The following CDH13 variants were observed in gnomAD, a reference collection of about 807,000 sequenced individuals.
The protein encoded by CDH13 is cadherin 13.
CDH13 carries 24 observed loss-of-function variants against 63.8 expected under a neutral mutation model. That is an observed-to-expected ratio of 0.38 (90% CI 0.27 to 0.53). The LOEUF (loss-of-function observed/expected upper bound fraction) is 0.53, where lower values mean the gene tolerates loss of function less well. CDH13 is among the 20% of genes least tolerant of loss of function. The pLI is 0.85. For synonymous variants in CDH13, 503 were observed against 355.3 expected (o/e 1.42, Z -4.67); for missense variants, 1,049 against 903.1 (o/e 1.16, Z -2.07).
intron 1 of CDH13, among the ~76,000 whole-genome samples, chr16:82,675,831 C>G (rs987503704): frequency 6.6e-6 from 1 of 152,182 alleles, no homozygotes; most frequent in African/African-American, 2.4e-5. Flanking sequence ...AGGGAGGGCA[C>G]TTGAGTTCAG....
intron 8 of CDH13, among the ~76,000 whole-genome samples, chr16:83,661,920 T>G (rs1402313701): frequency 6.6e-6 from 1 of 152,174 alleles, no homozygotes; most frequent in Non-Finnish European, 1.5e-5. Context: ...CCCCAGCACC[T>G]GTAGAGCCAG....
chr16:83,036,250 A>AGTG (rs1201459613), intron 3 of CDH13, among the ~76,000 whole-genome samples: 3 of 150,438 alleles, frequency 2.0e-5, no homozygotes, highest in Non-Finnish European at 4.4e-5. Flanking sequence ...CCTGGGTTCA[A>AGTG]GTGATTCTCC....
At chr16:82,925,729 C>A (rs2042283925) in intron 2 of CDH13, among the ~76,000 whole-genome samples, 1 of 152,168 alleles carries the variant, frequency 6.6e-6, no homozygotes, top group Admixed American at 6.5e-5. Flanking sequence ...GAATTTAAAA[C>A]CTCTACCTAA....
At chr16:83,193,252 C>G (rs990403448) in intron 4 of CDH13, among the ~76,000 whole-genome samples, 1 of 151,504 alleles carries the variant, frequency 6.6e-6, no homozygotes, top group African/African-American at 2.4e-5. Flanking sequence ...TGATATCATG[C>G]AAATCTTGGA....
chr16:83,626,256 C>T (rs972976420), intron 8 of CDH13, among the ~76,000 whole-genome samples: 3 of 152,106 alleles, frequency 2.0e-5, no homozygotes, highest in Admixed American at 6.5e-5. Context: ...GTTTCATGAC[C>T]GGAGTCAATG....
At chr16:83,280,759 T>G (rs1393423929) in intron 5 of CDH13, among the ~76,000 whole-genome samples, 1 of 152,250 alleles carries the variant, frequency 6.6e-6, no homozygotes, top group Non-Finnish European at 1.5e-5. Flanking sequence ...CCTTGATCCA[T>G]GAGTTGAAAA....
chr16:83,349,255 T>C (rs559058215), intron 6 of CDH13, among the ~76,000 whole-genome samples: 38 of 152,346 alleles, frequency 2.5e-4, no homozygotes, highest in Middle Eastern at 3.4e-3. Context: ...GGCATACAGA[T>C]CTCTGTGTGA....
At chr16:82,953,425 T>C (rs16958935) in intron 2 of CDH13, 9 of 152,240 alleles carry the variant, frequency 5.9e-5, no homozygotes, top group African/African-American at 1.9e-4. Flanking sequence ...AATGAAGGTC[T>C]GCAAGCTATT....
chr16:83,627,936 A>G (rs1910461463), intron 8 of CDH13, among the ~76,000 whole-genome samples: 2 of 152,216 alleles, frequency 1.3e-5, no homozygotes, highest in Admixed American at 6.5e-5. Flanking sequence ...ATGGATGGGC[A>G]ATTCCCAGGG....
At chr16:83,736,172 A>G (rs896073941) in intron 10 of CDH13, among the ~76,000 whole-genome samples, 1 of 152,190 alleles carries the variant, frequency 6.6e-6, no homozygotes, top group Non-Finnish European at 1.5e-5. Context: ...TAATAATGAT[A>G]ATGAAAATTA....
At chr16:82,930,039 CTTT>C (rs71146098) in intron 2 of CDH13, among the ~76,000 whole-genome samples, 26 of 94,764 alleles carry the variant, frequency 2.7e-4, no homozygotes, top group African/African-American at 4.2e-4. Context: ...TAGTTTGTCT[CTTT>C]TTTTTTTTTT....
chr16:82,861,115 A>G (rs927520542), intron 2 of CDH13, among the ~76,000 whole-genome samples: 2 of 152,340 alleles, frequency 1.3e-5, no homozygotes, highest in East Asian at 1.9e-4. Context: ...TGTTAAATGC[A>G]TAGATTCCAT....
intron 1 of CDH13, among the ~76,000 whole-genome samples, chr16:82,729,678 G>A (rs929064304): frequency 6.6e-6 from 1 of 152,102 alleles, no homozygotes; most frequent in African/African-American, 2.4e-5. Flanking sequence ...AAAAGTCACT[G>A]GCTGTTTAGC....
At chr16:82,840,877 T>C (rs1429558409) in intron 1 of CDH13, among the ~76,000 whole-genome samples, 1 of 152,094 alleles carries the variant, frequency 6.6e-6, no homozygotes, top group Non-Finnish European at 1.5e-5. Flanking sequence ...CCTATGAGTG[T>C]TGGTAGATGA....
intron 1 of CDH13, among the ~76,000 whole-genome samples, chr16:82,655,186 C>T (rs1182763821): frequency 6.6e-6 from 1 of 152,224 alleles, no homozygotes. Context: ...ATGGGCACAA[C>T]CAGGTTCCTA....
chr16:83,747,514 T>A (rs189947081), intron 10 of CDH13, among the ~76,000 whole-genome samples: 189 of 152,058 alleles, frequency 1.2e-3, no homozygotes, highest in South Asian at 0.012. Flanking sequence ...CAGTCTTGAG[T>A]ATGTCTTTAT....
chr16:82,787,342 C>G (rs1477810003), intron 1 of CDH13, among the ~76,000 whole-genome samples: 1 of 152,162 alleles, frequency 6.6e-6, no homozygotes, highest in Admixed American at 6.5e-5. Flanking sequence ...AACAGTATCT[C>G]AAACAGCAGC....
chr16:83,256,202 G>C (rs1230913433), intron 5 of CDH13, among the ~76,000 whole-genome samples: 2 of 152,080 alleles, frequency 1.3e-5, no homozygotes, highest in East Asian at 3.9e-4. Context: ...ACCAGCTACT[G>C]TTGTACTTTT....
intron 10 of CDH13, among the ~76,000 whole-genome samples, chr16:83,743,357 TC>T (rs1274146190): frequency 4.6e-5 from 7 of 152,148 alleles, no homozygotes; most frequent in Non-Finnish European, 7.3e-5. Flanking sequence ...ACCCTGGCTT[TC>T]CCTGGAAATG....
Sources: gnomAD v4.1 joint callset for allele counts (sites outside exome capture counted in the v4.1 genomes callset) on GRCh38, gnomAD v4.1.1 for gene constraint, MANE v1.5 for transcripts, NCBI Gene and HGNC (gene_info 2026-07-23, HGNC 2026-07-21) for gene names.